The following NME9 variants were observed in gnomAD, a reference collection of about 807,000 sequenced individuals.
NME9 encodes thioredoxin domain-containing protein 6.
A neutral mutation model predicts 44.4 loss-of-function variants in NME9; 48 were observed. The observed-to-expected ratio is 1.08, with a 90% CI of 0.86 to 1.37. The LOEUF is 1.37. NME9 is among the 40% of genes most tolerant of loss of function. The probability of loss-of-function intolerance (pLI) is 0.00; values close to 1 mark genes in which losing one functional copy is unlikely to be tolerated. For missense variants in NME9, 325 were observed against 405.2 expected, an observed-to-expected ratio of 0.80 and a Z score of 1.70; for synonymous variants, 139 against 147.1, an observed-to-expected ratio of 0.94 and a Z score of 0.40.
intron 7 of NME9, 107 bp downstream of exon 7, chr3:138,306,291 G>A: frequency 1.1e-6 from 1 of 940,922 alleles, no homozygotes; most frequent in Non-Finnish European, 1.7e-6. Flanking sequence ...CAACCCCTTA[G>A]AATTCATCTT....
At chr3:138,299,368 G>A (rs1293205432), downstream of NME9, among the ~76,000 whole-genome samples, 2 of 152,166 alleles carry the variant, frequency 1.3e-5, no homozygotes, top group African/African-American at 4.8e-5. Context: ...TTGACTTCAT[G>A]GAGCCCAGCC....
intron 8 of NME9, chr3:138,263,795 T>C: frequency 6.2e-7 from 1 of 1,614,024 alleles, no homozygotes. Context: ...CTGAGTCTAG[T>C]GTCAAGGTGC....
intron 6 of NME9, among the ~76,000 whole-genome samples, chr3:138,308,368 C>G (rs2052432215): frequency 6.6e-6 from 1 of 152,144 alleles, no homozygotes; most frequent in Admixed American, 6.5e-5. Context: ...TCCCTCATGT[C>G]TCAGTTACCA....
At chr3:138,285,882 G>A (rs2050357586) in intron 8 of NME9, among the ~76,000 whole-genome samples, 1 of 152,100 alleles carries the variant, frequency 6.6e-6, no homozygotes, top group African/African-American at 2.4e-5. Flanking sequence ...CACTTAAAAA[G>A]TTTTCCTTAA....
At chr3:138,300,787 A>C (rs1473653719), downstream of NME9, among the ~76,000 whole-genome samples, 2 of 152,222 alleles carry the variant, frequency 1.3e-5, no homozygotes, top group Non-Finnish European at 1.5e-5. Flanking sequence ...ATGTCTGAGC[A>C]TTGCTTTATG....
At chr3:138,289,127 G>C in intron 8 of NME9, 1 of 1,609,082 alleles carries the variant, frequency 6.2e-7, no homozygotes, top group Non-Finnish European at 8.5e-7. Flanking sequence ...GAAGGTAAGA[G>C]ATTGGTGAGA....
chr3:138,263,719 G>T, intron 8 of NME9: 1 of 1,595,328 alleles, frequency 6.3e-7, no homozygotes, highest in South Asian at 1.1e-5. Context: ...TATTTATGCA[G>T]CATTAACCTT....
chr3:138,323,717 G>A (rs983522808), intron 2 of NME9, among the ~76,000 whole-genome samples: 2 of 152,216 alleles, frequency 1.3e-5, no homozygotes, highest in African/African-American at 4.8e-5. Flanking sequence ...GGTGGAGGGG[G>A]TGGTAATGGG....
At chr3:138,291,543 CT>C (rs1265320229) in intron 8 of NME9, among the ~76,000 whole-genome samples, 1 of 152,170 alleles carries the variant, frequency 6.6e-6, no homozygotes, top group Non-Finnish European at 1.5e-5. Flanking sequence ...CCTCGTGTAA[CT>C]TACATTCTAG....
chr3:138,263,477 A>AT (rs1223487253), intron 8 of NME9: 9 of 471,670 alleles, frequency 1.9e-5, no homozygotes, highest in Non-Finnish European at 3.5e-5. Flanking sequence ...ATACCATTTA[A>AT]TTTTTGTGTT....
intron 8 of NME9, among the ~76,000 whole-genome samples, chr3:138,292,230 G>C (rs1167477722): frequency 6.6e-6 from 1 of 152,052 alleles, no homozygotes; most frequent in Non-Finnish European, 1.5e-5. Flanking sequence ...AGTAGAGACA[G>C]GGTTTTACCA....
In NME9 at chr3:138,324,479, G is replaced by T; in HGVS notation, c.91+394C>A. The T allele has an allele frequency of 4.3e-6, 2 of 461,808 alleles. 1 individual carries two copies. Among genetic ancestry groups the T allele is most frequent in the Non-Finnish European group, 8.7e-6 (2 of 230,596 alleles). The allele number at this position is 461,808 out of a possible 1,614,324, so 28.6% of individuals were successfully genotyped here. On this transcript the variant is annotated intron_variant, in intron 2 of 10. Transcript: ENST00000333911. ...TGAGGAGGCCCATAGACAGTGGCCT[G>T]CTGTTTCCTAATGACTGCAGTCCCA...
At position 138,262,266 on chromosome 3, in the gene NME9, CAG is replaced by C. The variant is rs71824944; in HGVS notation, c.*272_*273del. The C allele has an allele frequency of 1.2e-3, 432 of 360,384 alleles. 3 individuals are homozygous for C. The highest frequency in any genetic ancestry group is 8.7e-3 in the African/African-American group (414 of 47,576). 22.3% of individuals were successfully genotyped at this position (360,384 alleles called of 1,614,324 possible). On this transcript the variant is annotated 3_prime_UTR_variant, in exon 9 of 9. Transcript: ENST00000317876. ...TAGGGGCTAGAGGTGACAATGAGGACAGAGAGTGATTGTGCATATCAGTAAGA... is the reference window on the plus strand; with the variant it reads ...TAGGGGCTAGAGGTGACAATGAGGACAGAGTGATTGTGCATATCAGTAAGA...
At position 138,306,387 on chromosome 3, in the gene NME9, GTC is replaced by G; in HGVS notation, c.543+9_543+10del. On this transcript the variant is annotated intron_variant, in intron 7 of 10. Transcript: ENST00000333911. ...AGGACAGTGGTGCATGGTAAGTGTT[GTC>G]TCTCTTACCTTCATGATAATCTCAT... The G allele has an allele frequency of 6.3e-7, 1 of 1,578,340 alleles. No individual in the cohort carries two copies. The highest frequency in any genetic ancestry group is 8.7e-7 in the Non-Finnish European group (1 of 1,147,258).
intron 8 of NME9, chr3:138,295,779 G>T: frequency 6.6e-7 from 1 of 1,512,694 alleles, no homozygotes; most frequent in East Asian, 2.3e-5. Context: ...GACTTCCCCA[G>T]CTATCATCAT....
downstream of NME9, chr3:138,296,082 C>T (rs1265225013): frequency 1.9e-6 from 1 of 516,216 alleles, no homozygotes; most frequent in East Asian, 3.4e-5. Flanking sequence ...GTAATTTCCT[C>T]AGAAGACTCT....
intron 6 of NME9, among the ~76,000 whole-genome samples, chr3:138,313,449 G>A (rs2052843801): frequency 6.6e-6 from 1 of 151,984 alleles, no homozygotes; most frequent in Non-Finnish European, 1.5e-5. Flanking sequence ...TAGAGAAAGG[G>A]GAATGTTCAT....
chr3:138,270,003 T>C (rs1169725095), intron 8 of NME9: 1 of 1,465,456 alleles, frequency 6.8e-7, no homozygotes, highest in East Asian at 2.3e-5. Flanking sequence ...AACTGGACTT[T>C]AAAGCTGTGA....
At chr3:138,319,696 A>G in intron 2 of NME9, 115 bp from the exon 3 acceptor site, 1 of 655,060 alleles carries the variant, frequency 1.5e-6, no homozygotes, top group Admixed American at 2.3e-5. Flanking sequence ...TTGCCGGGAT[A>G]TCTAATGGTT....
Sources: gnomAD v4.1 joint callset for allele counts (sites outside exome capture counted in the v4.1 genomes callset) on GRCh38, gnomAD v4.1.1 for gene constraint, MANE v1.5 for transcripts, NCBI Gene and HGNC (gene_info 2026-07-23, HGNC 2026-07-21) for gene names.